MPIG6B: variants seen among roughly 807,000 people sequenced by gnomAD.
MPIG6B encodes the protein megakaryocyte and platelet inhibitory receptor G6b.
In MPIG6B, 22 loss-of-function variants were observed where a neutral mutation model predicts 24.2. The observed-to-expected ratio is 0.91, with a 90% CI of 0.65 to 1.30. The LOEUF (loss-of-function observed/expected upper bound fraction) is 1.30. MPIG6B is among the 50% of genes most tolerant of loss of function. The pLI is 0.00. For synonymous variants in MPIG6B, 136 were observed against 142.0 expected (o/e 0.96, Z 0.30); for missense variants, 301 against 318.5 (o/e 0.94, Z 0.42).
upstream of MPIG6B, chr6:31,723,092 C>A: frequency 2.0e-6 from 1 of 508,038 alleles, no homozygotes; most frequent in Non-Finnish European, 3.6e-6. The surrounding 1 kb of genome is among the most constrained non-coding windows in gnomAD (Gnocchi z 4.3). Context: ...AAGCGATCCT[C>A]CCTCCTCAGC....
upstream of MPIG6B, among the ~76,000 whole-genome samples, chr6:31,722,329 C>T (rs147640533): frequency 4.8e-3 from 729 of 152,308 alleles, 25 homozygotes; most frequent in South Asian, 0.074. Flanking sequence ...CACCACAGGT[C>T]TGCTAAGTAG....
At chr6:31,722,987 T>G, upstream of MPIG6B, 1 of 297,206 alleles carries the variant, frequency 3.4e-6, no homozygotes, top group Non-Finnish European at 6.4e-6. Context: ...TTTTTTTTGT[T>G]GTTGTTTTTG....
chr6:31,723,424 G>C lies in MPIG6B; in HGVS notation c.41G>C (p.Arg14Thr). ...FLQLLPLLLS[R>T]AQGNPGASLD... is the part of the protein sequence containing the mutation. ...CAGCTGCTACCGCTGCTGCTCTCGA[G>C]GGCCCAAGGGAACCCTGGGGGTAAG... Residue 14 changes from arginine (R) to threonine (T), a missense_variant, in exon 1 of 6, where the codon AGG becomes ACG. Physicochemically the swap from Arg to Thr is moderately conservative, Grantham distance 71. Coordinates refer to ENST00000649779, the MANE Select transcript of MPIG6B (RefSeq NM_138272.3). The surrounding 1 kb of genome is among the most constrained non-coding windows in gnomAD (Gnocchi z 4.3). 3 of 1,613,038 alleles carry C rather than the reference G, an allele frequency of 1.9e-6. No homozygotes were observed. The highest frequency in any genetic ancestry group is 2.5e-6 in the Non-Finnish European group (3 of 1,179,930).
intron 3 of MPIG6B, 21 bp from the exon 4 acceptor site, chr6:31,724,566 A>C: frequency 1.2e-6 from 2 of 1,608,958 alleles, no homozygotes; most frequent in Non-Finnish European, 1.7e-6. Flanking sequence ...TGGTTCTCAA[A>C]GACTCATATG....
upstream of MPIG6B, among the ~76,000 whole-genome samples, chr6:31,720,362 G>A (rs1806716412): frequency 6.6e-6 from 1 of 152,216 alleles, no homozygotes; most frequent in South Asian, 2.1e-4. The surrounding 1 kb of genome is among the most constrained non-coding windows in gnomAD (Gnocchi z 4.9). Flanking sequence ...GGTGAGTGAT[G>A]CAGGGAAAAT....
Position 31,724,821 on chromosome 6 carries a change from C to A in MPIG6B, c.598C>A (p.Pro200Thr), listed in dbSNP as rs766673579. 1 of 1,613,990 alleles carries A rather than the reference C, an allele frequency of 6.2e-7. No individual in the cohort carries two copies. Among genetic ancestry groups the A allele is most frequent in the East Asian group, 2.2e-5 (1 of 44,868 alleles). ...RPVKEEEPKIPGDLDQEPSLL... is the reference protein window; with the variant it reads ...RPVKEEEPKITGDLDQEPSLL... The stretch of plus-strand genomic sequence containing the variant: ...AGTAAAGGAGGAAGAGCCCAAGATT[C>A]CAGGGGACCTGGACCAGGAACCGGT... The change falls in exon 5 of 6, where the codon CCA (proline) becomes ACA (threonine). Residue 200 changes from proline to threonine, a missense_variant. Pro to Thr is a conservative substitution (Grantham distance 38). Transcript: ENST00000649779.
chr6:31,721,992 C>T, upstream of MPIG6B: 1 of 416,820 alleles, frequency 2.4e-6, no homozygotes, highest in South Asian at 4.9e-5. Flanking sequence ...TGGTCCCCAG[C>T]TAAGAGTCCT....
chr6:31,724,212 C>T lies in MPIG6B; in HGVS notation c.480C>T (p.Gly160=), dbSNP rs773004644. 2 of 1,612,976 alleles carry T rather than the reference C, an allele frequency of 1.2e-6. No homozygotes were observed. The highest frequency in any genetic ancestry group is 1.7e-6 in the Non-Finnish European group (2 of 1,179,840). Residue 160 remains glycine (G), a synonymous_variant, in exon 3 of 6, where the codon GGC becomes GGT. Coordinates refer to ENST00000649779, the MANE Select transcript of MPIG6B (RefSeq NM_138272.3). ...AGLVLGLGAL[G]LVWWLHRRLP... is the part of the protein sequence containing the mutation. ...TGGTGCTCGGACTGGGAGCTTTGGG[C>T]CTGGTCTGGTGGCTGCACAGGTGAG...
chr6:31,724,997 C>G lies in MPIG6B; in HGVS notation c.649C>G (p.Leu217Val). 2 of 1,614,048 alleles carry G rather than the reference C, an allele frequency of 1.2e-6. No homozygotes were observed. Among genetic ancestry groups the G allele is most frequent in the Non-Finnish European group, 1.7e-6 (2 of 1,179,976 alleles). The change falls in exon 6 of 6, where the codon CTA (leucine) becomes GTA (valine). Residue 217 changes from leucine to valine, a missense_variant. Transcript: ENST00000649779. ...PSLLYADLDHLALSRPRRLST... is the reference protein window; with the variant it reads ...PSLLYADLDHVALSRPRRLST... The stretch of plus-strand genomic sequence containing the variant: ...CCTGCTCTATGCGGATCTGGACCAT[C>G]TAGCCCTCAGCAGGCCCCGCCGGCT...
Position 31,723,781 on chromosome 6 carries a change from G to T in MPIG6B, c.204G>T (p.Ser68=). The change falls in exon 2 of 6, where the codon TCG becomes TCT. Residue 68 remains serine (S), a synonymous_variant. Coordinates refer to ENST00000649779, the MANE Select transcript of MPIG6B (RefSeq NM_138272.3). This position sits in a 1 kb window ranked among gnomAD's most constrained non-coding sequence, Gnocchi z 4.3. ...GCCGACCGATCCTGTGGGCCTCTTC[G>T]AGCGGGACCCCCACCGTGCCTCCCC... ...KGRRPILWAS[S]SGTPTVPPLQ... is the part of the protein sequence containing the mutation. 6.2e-7 allele frequency: 1 copy of T among 1,613,916 alleles called. No homozygotes were observed. Among genetic ancestry groups the T allele is most frequent in the Non-Finnish European group, 8.5e-7 (1 of 1,179,978 alleles).
Position 31,723,574 on chromosome 6 carries a change from A to C in MPIG6B, c.62-65A>C. 1 of 1,432,688 alleles carries C rather than the reference A, an allele frequency of 7.0e-7. No homozygotes were observed. Among genetic ancestry groups the C allele is most frequent in the Non-Finnish European group, 9.5e-7 (1 of 1,047,698 alleles). The allele number at this position is 1,432,688 out of a possible 1,614,324, so 88.7% of individuals were successfully genotyped here. On this transcript the variant is annotated intron_variant, in intron 1 of 5. Transcript: ENST00000649779. The surrounding 1 kb of genome is among the most constrained non-coding windows in gnomAD (Gnocchi z 4.3). The stretch of plus-strand genomic sequence containing the variant: ...GTGCAGAACAGAGAAGAGAAAGAGG[A>C]GACGGGATGGAGGGTCGTCTTGCCC...
chr6:31,723,306 C>T (rs1305180387), upstream of MPIG6B: 1 of 1,255,916 alleles, frequency 8.0e-7, no homozygotes, highest in African/African-American at 1.5e-5. The surrounding 1 kb of genome is among the most constrained non-coding windows in gnomAD (Gnocchi z 4.3). Flanking sequence ...CTCCCCACGC[C>T]TAACTTCCCT....
chr6:31,720,449 C>A (rs1323599290), upstream of MPIG6B, among the ~76,000 whole-genome samples: 1 of 152,074 alleles, frequency 6.6e-6, no homozygotes, highest in Non-Finnish European at 1.5e-5. The surrounding 1 kb of genome is among the most constrained non-coding windows in gnomAD (Gnocchi z 4.9). Context: ...CATCACTCCA[C>A]CCCGTTTGGA....
chr6:31,723,470 A>G lies in MPIG6B; in HGVS notation c.61+26A>G, dbSNP rs1806987239. The G allele has an allele frequency of 6.2e-7, 1 of 1,604,642 alleles. No homozygotes were observed. Among genetic ancestry groups the G allele is most frequent in the African/African-American group, 1.3e-5 (1 of 74,700 alleles). Reference sequence around the variant, plus strand: ...GTAAGCGATCCCTGGGAGAGTTGTGATAGACGCAGAGGGGCTGAAGCAAGA... The same window carrying G: ...GTAAGCGATCCCTGGGAGAGTTGTGGTAGACGCAGAGGGGCTGAAGCAAGA... On this transcript the variant is annotated intron_variant, in intron 1 of 5. Transcript: ENST00000649779. The surrounding 1 kb of genome is among the most constrained non-coding windows in gnomAD (Gnocchi z 4.3).
Position 31,723,829 on chromosome 6 carries a change from A to ACGCTCCCTGGACTCTGGTATC in MPIG6B, c.255_275dup (p.Ser86_Arg92dup). On this transcript the variant is annotated inframe_insertion, in exon 2 of 6. Coordinates refer to ENST00000649779, the MANE Select transcript of MPIG6B (RefSeq NM_138272.3). The surrounding 1 kb of genome is among the most constrained non-coding windows in gnomAD (Gnocchi z 4.3). ...CCCTCCAGCCTTTCGTCGGCCGCCTACGCTCCCTGGACTCTGGTATCCGGC... is the reference window on the plus strand; with the variant it reads ...CCCTCCAGCCTTTCGTCGGCCGCCTACGCTCCCTGGACTCTGGTATCCGCTCCCTGGACTCTGGTATCCGGC... The ACGCTCCCTGGACTCTGGTATC allele has an allele frequency of 6.2e-7, 1 of 1,613,212 alleles. No individual in the cohort carries two copies. Among genetic ancestry groups the ACGCTCCCTGGACTCTGGTATC allele is most frequent in the Non-Finnish European group, 8.5e-7 (1 of 1,179,692 alleles).
Position 31,724,151 on chromosome 6 carries a change from A to G in MPIG6B, c.419A>G (p.Tyr140Cys), listed in dbSNP as rs1178728898. 1 of 1,612,788 alleles carries G rather than the reference A, an allele frequency of 6.2e-7. No individual in the cohort carries two copies. Among genetic ancestry groups the G allele is most frequent in the Non-Finnish European group, 8.5e-7 (1 of 1,179,784 alleles). Reference sequence around the variant, plus strand: ...CACGCCTTTCCCCCAGGGTCCGTGTATCCCCAGCTCCTGATCCCGCTGCTG... The same window carrying G: ...CACGCCTTTCCCCCAGGGTCCGTGTGTCCCCAGCTCCTGATCCCGCTGCTG... ...KAPGPTHGSVYPQLLIPLLGA... is the reference protein window; with the variant it reads ...KAPGPTHGSVCPQLLIPLLGA... The change falls in exon 3 of 6, where the codon TAT becomes TGT. Residue 140 changes from tyrosine to cysteine, a missense_variant. Transcript: ENST00000649779.
In MPIG6B at chr6:31,726,406, T is replaced by A. The variant is rs888402574; in HGVS notation, c.*1332T>A. 7 of 152,212 alleles carry A rather than the reference T, an allele frequency of 4.6e-5. No individual in the cohort carries two copies. Among genetic ancestry groups the A allele is most frequent in the African/African-American group, 1.7e-4 (7 of 41,438 alleles). The allele number at this position is 152,212 out of a possible 1,614,324, so 9.4% of individuals were successfully genotyped here. A position where few individuals can be genotyped will look rare whatever the true frequency, so the allele number is the denominator to read the frequency against. On this transcript the variant is annotated 3_prime_UTR_variant, in exon 6 of 6. Transcript: ENST00000649779. The surrounding 1 kb of genome is among the most constrained non-coding windows in gnomAD (Gnocchi z 5.1). ...CCCAAAATGTCTTTGCCCAGTGCAA[T>A]TCCTTCTTCCTGTATTACCCCTTTC...
rs756586386 is a variant in MPIG6B, at chr6:31,724,451, G to C, written c.501-136G>C. 2.7e-4 allele frequency: 229 copies of C among 844,110 alleles called. 1 individual carries two copies. Among genetic ancestry groups the C allele is most frequent in the Middle Eastern group, 2.0e-3 (8 of 4,040 alleles). 52.3% of individuals were successfully genotyped at this position (844,110 alleles called of 1,614,324 possible). On this transcript the variant is annotated intron_variant, in intron 3 of 5. Coordinates refer to ENST00000649779, the MANE Select transcript of MPIG6B (RefSeq NM_138272.3). Reference sequence around the variant, plus strand: ...TGCAGCAGAGTTAGAGCCTGGGCTGGACTGTCGGTGGGGTAGAGTCTAAGT... The same window carrying C: ...TGCAGCAGAGTTAGAGCCTGGGCTGCACTGTCGGTGGGGTAGAGTCTAAGT...
At position 31,723,875 on chromosome 6, in the gene MPIG6B, G is replaced by T; in HGVS notation, c.298G>T (p.Ala100Ser). The T allele has an allele frequency of 1.2e-6, 2 of 1,610,648 alleles. No individual in the cohort carries two copies. The highest frequency in any genetic ancestry group is 2.2e-5 in the South Asian group (2 of 90,770). Residue 100 changes from alanine (A) to serine (S), a missense_variant, in exon 2 of 6, where the codon GCG becomes TCG. By Grantham distance (99) the Ala-to-Ser change is moderately conservative. Transcript: ENST00000649779. This position sits in a 1 kb window ranked among gnomAD's most constrained non-coding sequence, Gnocchi z 4.3. ...CCGGCGGCTGGAGCTCCTCTTGAGC[G>T]CGGGGGACTCGGGCACTTTTTTCTG... is the stretch of plus-strand genomic sequence containing the variant. ...GIRRLELLLS[A>S]GDSGTFFCKG...
Sources: allele counts gnomAD v4.1 joint callset (sites outside exome capture counted in the v4.1 genomes callset), GRCh38; gene constraint gnomAD v4.1.1; non-coding constraint Gnocchi (gnomAD v3.1); transcripts MANE v1.5; gene names NCBI Gene and HGNC (gene_info 2026-07-23, HGNC 2026-07-21).